Variants in NALCN observed in about 807,000 individuals in gnomAD.
The protein encoded by NALCN is sodium leak channel NALCN.
NALCN carries 111 observed loss-of-function variants against 225.3 expected under a neutral mutation model. The ratio of observed to expected loss-of-function variants is 0.49; its 90% CI spans 0.42 to 0.58. NALCN has a LOEUF of 0.58. NALCN is among the 20% of genes least tolerant of loss of function. The probability of loss-of-function intolerance (pLI) is 0.00; values close to 1 mark genes in which losing one functional copy is unlikely to be tolerated. For missense variants in NALCN, 1,378 were observed against 2,202.4 expected, an observed-to-expected ratio of 0.63 and a Z score of 7.49; for synonymous variants, 764 against 769.0, an observed-to-expected ratio of 0.99 and a Z score of 0.11.
Position 101,237,914 on chromosome 13 carries a change from A to G in NALCN, c.1275T>C (p.Phe425=), listed in dbSNP as rs761000473. 7.5e-6 allele frequency: 12 copies of G among 1,603,194 alleles called. 1 individual carries two copies. The South Asian group carries it at 9.0e-5, about 12-fold the overall frequency. Residue 425 remains phenylalanine (F), a synonymous_variant, in exon 12 of 44, where the codon TTT becomes TTC. Coordinates refer to ENST00000251127, the MANE Select transcript of NALCN (RefSeq NM_052867.4). ...YDEFYLAEVA[F]TVLFDLEALL... is the part of the protein sequence containing the mutation. ...GTGCTTCCAAATCAAAAAGTACTGTAAAAGCCACCTAGAGAAACAAAGAAA... is the reference window on the plus strand; with the variant it reads ...GTGCTTCCAAATCAAAAAGTACTGTGAAAGCCACCTAGAGAAACAAAGAAA...
At chr13:101,118,366 C>T (rs1006923204) in intron 18 of NALCN, among the ~76,000 whole-genome samples, 4 of 152,088 alleles carry the variant, frequency 2.6e-5, no homozygotes, top group African/African-American at 9.7e-5. Context: ...AAATCATATG[C>T]TATCTCAATA....
intron 27 of NALCN, among the ~76,000 whole-genome samples, chr13:101,097,091 G>A (rs1249543748): frequency 6.6e-6 from 1 of 152,110 alleles, no homozygotes; most frequent in Non-Finnish European, 1.5e-5. Flanking sequence ...ACTACGATGA[G>A]TTTAGTAATG....
intron 11 of NALCN, among the ~76,000 whole-genome samples, chr13:101,257,144 G>A (rs1368396352): frequency 6.6e-6 from 1 of 151,164 alleles, no homozygotes; most frequent in Non-Finnish European, 1.5e-5. Context: ...AGGCTGGGCT[G>A]GATATAATTT....
intron 13 of NALCN, among the ~76,000 whole-genome samples, chr13:101,204,126 T>C (rs2040229265): frequency 6.6e-6 from 1 of 152,226 alleles, no homozygotes; most frequent in Non-Finnish European, 1.5e-5. Flanking sequence ...GCTATTTTTA[T>C]ACATATCTCT....
intron 10 of NALCN, among the ~76,000 whole-genome samples, chr13:101,283,139 G>T (rs1375421501): frequency 1.3e-5 from 2 of 152,150 alleles, no homozygotes; most frequent in African/African-American, 4.8e-5. Flanking sequence ...GGTCCTACGA[G>T]TGGGCTGCTT....
At chr13:101,377,647 T>C (rs1471866573) in intron 4 of NALCN, among the ~76,000 whole-genome samples, 2 of 152,170 alleles carry the variant, frequency 1.3e-5, no homozygotes, top group Non-Finnish European at 2.9e-5. Context: ...ACAAACACTA[T>C]GATGAGTTGG....
intron 30 of NALCN, among the ~76,000 whole-genome samples, chr13:101,086,116 C>A (rs1051151025): frequency 1.3e-5 from 2 of 151,866 alleles, no homozygotes; most frequent in African/African-American, 2.4e-5. Flanking sequence ...TTAAAAAAAA[C>A]CAAAACCCAG....
chr13:101,296,696 A>G (rs2043769234), intron 7 of NALCN, among the ~76,000 whole-genome samples: 1 of 152,216 alleles, frequency 6.6e-6, no homozygotes, highest in South Asian at 2.1e-4. Context: ...TTAGAGAACA[A>G]TAAGGCCTGT....
At chr13:101,231,273 GTAAT>G (rs2041337050) in intron 12 of NALCN, among the ~76,000 whole-genome samples, 2 of 151,718 alleles carry the variant, frequency 1.3e-5, no homozygotes, top group Admixed American at 6.6e-5. Flanking sequence ...AAAAAAATAA[GTAAT>G]TAATTGACAA....
In NALCN at chr13:101,160,040, T is replaced by C. The variant is rs559852640; in HGVS notation, c.1840-15144A>G. On this transcript the variant is annotated intron_variant, in intron 15 of 43. Transcript: ENST00000251127. ...TGCGATCTCGGCTCACTGCAACCTC[T>C]GCCTCCTGGGTTCAAGCGATTCTAC... Among the ~76,000 whole-genome samples the C allele has an allele frequency of 1.8e-3, 280 of 152,248 alleles. 4 individuals are homozygous for C. Among genetic ancestry groups the C allele is most frequent in the African/African-American group, 6.5e-3 (268 of 41,548 alleles).
intron 14 of NALCN, among the ~76,000 whole-genome samples, chr13:101,182,133 CAAAAAAAA>C: frequency 1.4e-5 from 1 of 73,430 alleles, no homozygotes; most frequent in South Asian, 7.1e-4. Context: ...GACTCCATCT[CAAAAAAAA>C]AAAAAAAAAA....
intron 7 of NALCN, among the ~76,000 whole-genome samples, chr13:101,331,410 T>C (rs977349078): frequency 7.2e-5 from 11 of 152,164 alleles, no homozygotes; most frequent in Non-Finnish European, 1.3e-4. Flanking sequence ...AATTGAAAAT[T>C]CGATAAATAA....
intron 7 of NALCN, among the ~76,000 whole-genome samples, chr13:101,339,707 C>T (rs181767184): frequency 1.7e-3 from 255 of 152,038 alleles, no homozygotes; most frequent in Middle Eastern, 0.01. Context: ...GTCACAGATT[C>T]GAATGTATAT....
intron 6 of NALCN, among the ~76,000 whole-genome samples, chr13:101,354,821 C>T (rs766734980): frequency 4.6e-5 from 7 of 152,062 alleles, no homozygotes; most frequent in Non-Finnish European, 8.8e-5. Context: ...CTCCAATAAG[C>T]TTTCATCCTT....
At chr13:101,219,675 C>T (rs2040864065) in intron 13 of NALCN, among the ~76,000 whole-genome samples, 1 of 152,188 alleles carries the variant, frequency 6.6e-6, no homozygotes, top group Non-Finnish European at 1.5e-5. Flanking sequence ...TTGTGATGAA[C>T]TATTCCAGAG....
intron 9 of NALCN, among the ~76,000 whole-genome samples, chr13:101,284,840 A>C (rs578076787): frequency 6.6e-6 from 1 of 152,296 alleles, no homozygotes; most frequent in African/African-American, 2.4e-5. Flanking sequence ...CCTATGTGTC[A>C]ATATTACACC....
intron 1 of NALCN, among the ~76,000 whole-genome samples, chr13:101,413,071 A>G (rs1009193435): frequency 3.9e-5 from 6 of 152,206 alleles, no homozygotes; most frequent in African/African-American, 1.4e-4. Context: ...TTATTTCTGT[A>G]AAAGAGGGAA....
At chr13:101,339,645 T>C (rs1265719723) in intron 7 of NALCN, among the ~76,000 whole-genome samples, 1 of 152,102 alleles carries the variant, frequency 6.6e-6, no homozygotes, top group Non-Finnish European at 1.5e-5. Context: ...TTAGGCTCTG[T>C]GGAAGGAGCA....
intron 1 of NALCN, among the ~76,000 whole-genome samples, chr13:101,409,597 T>C (rs141812430): frequency 6.6e-6 from 1 of 152,350 alleles, no homozygotes; most frequent in East Asian, 1.9e-4. Context: ...AGAAAGGGGA[T>C]ACTTATTTTG....
Sources: gnomAD v4.1 joint callset for allele counts (sites outside exome capture counted in the v4.1 genomes callset) on GRCh38, gnomAD v4.1.1 for gene constraint, MANE v1.5 for transcripts, NCBI Gene and HGNC (gene_info 2026-07-23, HGNC 2026-07-21) for gene names.